PTPN4: variants seen among roughly 807,000 people sequenced by gnomAD.
The protein encoded by PTPN4 is protein tyrosine phosphatase non-receptor type 4, also known as tyrosine-protein phosphatase non-receptor type 4.
Under a neutral mutation model 135.5 loss-of-function variants are expected in PTPN4, and 49 were observed. The ratio of observed to expected loss-of-function variants is 0.36; its 90% confidence interval spans 0.29 to 0.46. The LOEUF (loss-of-function observed/expected upper bound fraction) is 0.46. Among genes scored for constraint, PTPN4 ranks in the 20% least tolerant of loss-of-function variants. The pLI, the probability that PTPN4 is intolerant of heterozygous loss-of-function variation, is 1.00. For synonymous variants in PTPN4, 333 were observed against 369.9 expected, an observed-to-expected ratio of 0.90 and a Z score of 1.14; for missense variants, 860 against 1,101.0, an observed-to-expected ratio of 0.78 and a Z score of 3.10.
intron 9 of PTPN4, among the ~76,000 whole-genome samples, chr2:119,895,282 T>G (rs1164673487): frequency 1.3e-5 from 2 of 152,130 alleles, no homozygotes; most frequent in Admixed American, 1.3e-4. Flanking sequence ...TAACATTGAG[T>G]GGGTTTGCGT....
intron 2 of PTPN4, 62 bp from the exon 3 acceptor site, chr2:119,862,474 A>G: frequency 1.4e-6 from 2 of 1,466,130 alleles, no homozygotes; most frequent in Non-Finnish European, 1.9e-6. Flanking sequence ...AACCAGGTTA[A>G]AAAATGTGAA....
intron 20 of PTPN4, among the ~76,000 whole-genome samples, chr2:119,956,380 C>T (rs549533730): frequency 1.1e-4 from 17 of 151,782 alleles, no homozygotes; most frequent in Non-Finnish European, 2.1e-4. Context: ...TGCTAGGCTC[C>T]CTGGATAGTT....
intron 1 of PTPN4, among the ~76,000 whole-genome samples, chr2:119,796,057 C>T (rs751953313): frequency 4.9e-4 from 75 of 152,184 alleles, no homozygotes; most frequent in Non-Finnish European, 3.4e-4. Flanking sequence ...GCCGAGGCTT[C>T]GGGCCTGGAA....
At chr2:119,965,041 G>T (rs1679426096) in intron 24 of PTPN4, among the ~76,000 whole-genome samples, 1 of 152,082 alleles carries the variant, frequency 6.6e-6, no homozygotes, top group South Asian at 2.1e-4. Context: ...GTTTTTAAGG[G>T]GATGGTGGAG....
At chr2:119,916,780 G>A (rs926319632) in intron 11 of PTPN4, 7 of 152,102 alleles carry the variant, frequency 4.6e-5, no homozygotes, top group Non-Finnish European at 1.0e-4. Context: ...TGTCTTTACT[G>A]TCTGCCTTCT....
chr2:119,860,416 A>G (rs1429015564), intron 2 of PTPN4, among the ~76,000 whole-genome samples: 2 of 152,234 alleles, frequency 1.3e-5, no homozygotes, highest in Non-Finnish European at 2.9e-5. Context: ...GAATCTTGGA[A>G]TTGCTGTGAG....
intron 2 of PTPN4, among the ~76,000 whole-genome samples, chr2:119,831,797 C>G (rs1677223570): frequency 6.6e-6 from 1 of 152,100 alleles, no homozygotes; most frequent in East Asian, 1.9e-4. Flanking sequence ...TATATATACT[C>G]TGCCAATATT....
chr2:119,867,925 C>G (rs998482180), intron 3 of PTPN4, among the ~76,000 whole-genome samples: 6 of 152,080 alleles, frequency 3.9e-5, no homozygotes, highest in African/African-American at 1.2e-4. Flanking sequence ...TTTTTTAATT[C>G]ATTATTGCAC....
chr2:119,923,348 G>C (rs747737523), intron 12 of PTPN4, among the ~76,000 whole-genome samples: 1 of 152,138 alleles, frequency 6.6e-6, no homozygotes, highest in Non-Finnish European at 1.5e-5. Context: ...CTTCAGCCTG[G>C]GTGACAGAGC....
intron 25 of PTPN4, 43 bp downstream of exon 25, chr2:119,965,688 T>TA (rs1196373481): frequency 1.3e-6 from 2 of 1,560,292 alleles, no homozygotes; most frequent in Non-Finnish European, 1.7e-6. Flanking sequence ...GCTGAACAGA[T>TA]ACGTCATTTT....
rs139840498 is a variant in PTPN4, at chr2:119,981,706, A to G, written c.*4636A>G. 11 of 152,186 alleles carry G rather than the reference A, an allele frequency of 7.2e-5. No individual in the cohort carries two copies. In the East Asian group the frequency reaches 2.1e-3, roughly 29 times the overall value. The allele number at this position is 152,186 out of a possible 1,614,324, so 9.4% of individuals were successfully genotyped here. On this transcript the variant is annotated 3_prime_UTR_variant, in exon 27 of 27. Transcript: ENST00000263708. ...TGTCTGCAACCATTATATAGACTTC[A>G]TTGATACTCAGCAATTACTACAGTG...
intron 2 of PTPN4, among the ~76,000 whole-genome samples, chr2:119,849,480 T>A (rs1416626272): frequency 6.6e-6 from 1 of 152,068 alleles, no homozygotes; most frequent in African/African-American, 2.4e-5. Context: ...TTGTACTGTT[T>A]TTGCAGAGAT....
At chr2:119,870,822 G>A (rs1476736280) in intron 3 of PTPN4, among the ~76,000 whole-genome samples, 2 of 152,008 alleles carry the variant, frequency 1.3e-5, no homozygotes, top group African/African-American at 2.4e-5. Flanking sequence ...CAATAGTATA[G>A]TTGGGTAAGA....
rs540900152 is a variant in PTPN4 at position 119,760,109 on chromosome 2, G to A, written c.-293G>A. ...CAGGCCCCCTCCCCCACGCACTTTT[G>A]GGGGTGTGGATTATCTCATCCCTGC... On this transcript the variant is annotated 5_prime_UTR_variant, in exon 1 of 27. Transcript: ENST00000263708. The A allele has an allele frequency of 2.6e-6, 1 of 389,120 alleles. No homozygotes were observed. The highest frequency in any genetic ancestry group is 4.5e-6 in the Non-Finnish European group (1 of 220,386). 24.1% of individuals were successfully genotyped at this position (389,120 alleles called of 1,614,324 possible). A position where few individuals can be genotyped will look rare whatever the true frequency, so the allele number is the denominator to read the frequency against.
At chr2:119,797,155 A>T (rs1409493014) in intron 1 of PTPN4, among the ~76,000 whole-genome samples, 5 of 151,790 alleles carry the variant, frequency 3.3e-5, no homozygotes, top group Non-Finnish European at 7.4e-5. Context: ...TTGTCTTTTC[A>T]TTCTCTTAAC....
At chr2:119,838,262 T>C (rs1269435541) in intron 2 of PTPN4, among the ~76,000 whole-genome samples, 1 of 152,054 alleles carries the variant, frequency 6.6e-6, no homozygotes, top group African/African-American at 2.4e-5. Context: ...GTGCAGGATG[T>C]ACTCCTGCAC....
At chr2:119,903,566 C>T (rs961649125) in intron 10 of PTPN4, among the ~76,000 whole-genome samples, 6 of 151,680 alleles carry the variant, frequency 4.0e-5, no homozygotes, top group African/African-American at 1.5e-4. Context: ...GACACACACA[C>T]ACACACACAC....
chr2:119,932,688 G>A (rs1229875141), intron 14 of PTPN4, 139 bp downstream of exon 14: 1 of 1,053,970 alleles, frequency 9.5e-7, no homozygotes, highest in Non-Finnish European at 1.4e-6. Context: ...TTGCTCCAGA[G>A]CATTATTTTC....
chr2:119,915,841 T>G (rs1678645531), intron 11 of PTPN4: 1 of 152,158 alleles, frequency 6.6e-6, no homozygotes, highest in Non-Finnish European at 1.5e-5. Context: ...GGCAAATTCA[T>G]GCAGATTTCA....
Sources: gnomAD v4.1 joint callset for allele counts (sites outside exome capture counted in the v4.1 genomes callset) on GRCh38, gnomAD v4.1.1 for gene constraint, MANE v1.5 for transcripts, NCBI Gene and HGNC (gene_info 2026-07-23, HGNC 2026-07-21) for gene names.